Variants in JAKMIP2 observed in about 807,000 individuals in gnomAD.
JAKMIP2 encodes janus kinase and microtubule-interacting protein 2.
JAKMIP2 carries 25 observed loss-of-function variants against 115.0 expected under a neutral mutation model. That is an observed-to-expected ratio of 0.22 (90% CI 0.16 to 0.30). The LOEUF is 0.30. Among genes scored for constraint, JAKMIP2 ranks in the 10% least tolerant of loss-of-function variants. The pLI is 1.00. For synonymous variants in JAKMIP2, 334 were observed against 343.6 expected (o/e 0.97, Z 0.31); for missense variants, 642 against 957.6 (o/e 0.67, Z 4.35).
intron 10 of JAKMIP2, 22 bp from the exon 11 acceptor site, chr5:147,637,070 A>T (rs755276245): frequency 1.0e-5 from 9 of 872,042 alleles, no homozygotes; most frequent in South Asian, 5.2e-5. Flanking sequence ...AAAATTCCAG[A>T]ACTCAGCAAG....
At chr5:147,658,795 C>T (rs1311183935) in intron 3 of JAKMIP2, among the ~76,000 whole-genome samples, 2 of 152,080 alleles carry the variant, frequency 1.3e-5, no homozygotes, top group African/African-American at 2.4e-5. Context: ...GAATTCGGCC[C>T]AGTCCAAAAA....
intron 1 of JAKMIP2, among the ~76,000 whole-genome samples, chr5:147,762,191 G>A (rs1005903386): frequency 1.3e-5 from 2 of 151,990 alleles, no homozygotes; most frequent in African/African-American, 2.4e-5. Flanking sequence ...ATACAAACAG[G>A]ATCATTCTAG....
chr5:147,716,404 C>T (rs1487103042), intron 1 of JAKMIP2, among the ~76,000 whole-genome samples: 1 of 147,194 alleles, frequency 6.8e-6, no homozygotes, highest in Non-Finnish European at 1.5e-5. Flanking sequence ...GTTCTAGATC[C>T]CTGAGGAATT....
At chr5:147,726,266 G>T (rs1340801730) in intron 1 of JAKMIP2, among the ~76,000 whole-genome samples, 1 of 152,204 alleles carries the variant, frequency 6.6e-6, no homozygotes, top group Non-Finnish European at 1.5e-5. Flanking sequence ...AACTGGAGTG[G>T]CTAATGTCTA....
In JAKMIP2 at chr5:147,618,074, T is replaced by C. The variant is rs776444502; in HGVS notation, c.2183A>G (p.Gln728Arg). ...ACCAAACTTGATAACAGTTTCTTGC[T>C]GTAGAGCATTGTACAAAGTAGCTTC... ...ELEATLYNAL[Q>R]QETVIKFGEL... Residue 728 changes from glutamine (Q) to arginine (R), a missense_variant, in exon 19 of 22, where the codon CAG becomes CGG. This residue lies in a region of JAKMIP2 where 68 missense variants were observed against 104.6 expected (regional missense o/e 0.65). Transcript: ENST00000616793. 1 of 1,614,122 alleles carries C rather than the reference T, an allele frequency of 6.2e-7. No homozygotes were observed. The highest frequency in any genetic ancestry group is 1.1e-5 in the South Asian group (1 of 91,086).
intron 3 of JAKMIP2, among the ~76,000 whole-genome samples, chr5:147,657,196 C>T (rs1581365742): frequency 6.7e-6 from 1 of 150,112 alleles, no homozygotes; most frequent in Admixed American, 6.6e-5. Context: ...AGGGGAATGG[C>T]ATGAACCCGG....
At chr5:147,770,263 T>C (rs1755301713) in intron 1 of JAKMIP2, among the ~76,000 whole-genome samples, 1 of 152,126 alleles carries the variant, frequency 6.6e-6, no homozygotes, top group South Asian at 2.1e-4. Flanking sequence ...ATATATGTGA[T>C]CCATATATCT....
At chr5:147,752,352 G>T (rs1364525541) in intron 1 of JAKMIP2, among the ~76,000 whole-genome samples, 1 of 152,156 alleles carries the variant, frequency 6.6e-6, no homozygotes, top group Non-Finnish European at 1.5e-5. Flanking sequence ...ATCATTGCAG[G>T]GGTTAGAGTT....
intron 14 of JAKMIP2, 120 bp from the exon 15 acceptor site, chr5:147,629,866 T>A (rs1757279645): frequency 1.4e-6 from 1 of 703,014 alleles, no homozygotes; most frequent in South Asian, 1.9e-5. Flanking sequence ...ATGTTTTCAA[T>A]CTGGCACACC....
At chr5:147,638,265 T>C (rs1177447944) in intron 10 of JAKMIP2, among the ~76,000 whole-genome samples, 1 of 152,188 alleles carries the variant, frequency 6.6e-6, no homozygotes, top group Non-Finnish European at 1.5e-5. Flanking sequence ...TTCCTGACTT[T>C]AATGGTCAGA....
intron 1 of JAKMIP2, among the ~76,000 whole-genome samples, chr5:147,707,755 G>C (rs573889963): frequency 6.6e-6 from 1 of 152,072 alleles, no homozygotes; most frequent in Non-Finnish European, 1.5e-5. Context: ...CTAAATTTAC[G>C]GTGAGTCAAT....
At chr5:147,632,593 G>T in intron 13 of JAKMIP2, 87 bp downstream of exon 13, 1 of 843,906 alleles carries the variant, frequency 1.2e-6, no homozygotes, top group Non-Finnish European at 1.9e-6. Context: ...AATCTGAAAT[G>T]CTTAATACAG....
chr5:147,650,643 T>A (rs958843492), intron 3 of JAKMIP2, 96 bp from the exon 4 acceptor site: 7 of 909,798 alleles, frequency 7.7e-6, no homozygotes, highest in South Asian at 1.6e-5. Flanking sequence ...ATCTGATTGA[T>A]ACAGAAAAAA....
At chr5:147,736,282 C>G (rs903834140) in intron 1 of JAKMIP2, among the ~76,000 whole-genome samples, 2 of 151,690 alleles carry the variant, frequency 1.3e-5, no homozygotes, top group African/African-American at 2.4e-5. Context: ...ATACTGAAAC[C>G]CCGTCTCTAT....
intron 1 of JAKMIP2, among the ~76,000 whole-genome samples, chr5:147,742,568 C>T (rs1365969877): frequency 1.3e-5 from 2 of 152,006 alleles, no homozygotes; most frequent in African/African-American, 4.8e-5. Flanking sequence ...AATTTGAAGG[C>T]TAGCAGGTGA....
intron 1 of JAKMIP2, among the ~76,000 whole-genome samples, chr5:147,761,055 C>G (rs1164206238): frequency 6.6e-6 from 1 of 152,080 alleles, no homozygotes; most frequent in East Asian, 1.9e-4. Flanking sequence ...AATAAAGACA[C>G]AGGGTGAATC....
At chr5:147,755,630 G>A (rs1754718107) in intron 1 of JAKMIP2, among the ~76,000 whole-genome samples, 1 of 152,058 alleles carries the variant, frequency 6.6e-6, no homozygotes, top group African/African-American at 2.4e-5. Context: ...AACTAACCAA[G>A]GCAGATTAAC....
At chr5:147,766,796 T>C (rs754674176) in intron 1 of JAKMIP2, among the ~76,000 whole-genome samples, 1 of 152,122 alleles carries the variant, frequency 6.6e-6, no homozygotes, top group Non-Finnish European at 1.5e-5. Flanking sequence ...GCTTCCAACA[T>C]GGCCTCTAAA....
intron 20 of JAKMIP2, among the ~76,000 whole-genome samples, chr5:147,602,020 A>T (rs1212613103): frequency 6.6e-6 from 1 of 152,216 alleles, no homozygotes; most frequent in Non-Finnish European, 1.5e-5. Context: ...ACATTTTAGA[A>T]TCATGAGGTG....
Sources: allele counts gnomAD v4.1 joint callset (sites outside exome capture counted in the v4.1 genomes callset), GRCh38; gene constraint gnomAD v4.1.1; regional missense constraint gnomAD v4.1.1; transcripts MANE v1.5; gene names NCBI Gene and HGNC (gene_info 2026-07-23, HGNC 2026-07-21).